The following RBFOX1 variants were observed in gnomAD, a reference collection of about 807,000 sequenced individuals.
RBFOX1 encodes the protein RNA binding protein fox-1 homolog 1.
RBFOX1 carries 8 observed loss-of-function variants against 57.7 expected under a neutral mutation model. That is an observed-to-expected ratio of 0.14 (90% confidence interval 0.08 to 0.25). RBFOX1 has a LOEUF of 0.25. Ranked by LOEUF, RBFOX1 falls within the 10% of genes least tolerant of loss-of-function variation. The pLI is 1.00. For missense variants in RBFOX1, 611 were observed against 548.5 expected, an observed-to-expected ratio of 1.11 and a Z score of -1.14; for synonymous variants, 326 against 222.4, an observed-to-expected ratio of 1.47 and a Z score of -4.15.
At chr16:7,453,043 C>T (rs1026924509) in intron 4 of RBFOX1, among the ~76,000 whole-genome samples, 5 of 150,516 alleles carry the variant, frequency 3.3e-5, no homozygotes, top group Admixed American at 6.7e-5. Context: ...GCAGGAGAAT[C>T]TCTTGAACCC....
intron 4 of RBFOX1, among the ~76,000 whole-genome samples, chr16:7,069,782 G>T (rs2056943064): frequency 6.6e-6 from 1 of 152,078 alleles, no homozygotes; most frequent in African/African-American, 2.4e-5. Context: ...CCCATAGTGG[G>T]CACTTGCTCG....
At chr16:6,138,798 C>T (rs1231652887) in intron 1 of RBFOX1, among the ~76,000 whole-genome samples, 1 of 152,146 alleles carries the variant, frequency 6.6e-6, no homozygotes, top group Non-Finnish European at 1.5e-5. Flanking sequence ...ACCCAGGACA[C>T]AGAGGTTGCA....
rs923803600 is a variant in RBFOX1 at position 6,488,299 on chromosome 16, T to C, written c.-63-166304T>C. 5.3e-5 allele frequency among the ~76,000 whole-genome samples: 8 copies of C among 152,214 alleles called. 1 individual carries two copies. Among genetic ancestry groups the C allele is most frequent in the Non-Finnish European group, 7.3e-5 (5 of 68,040 alleles). On this transcript the variant is annotated intron_variant, in intron 2 of 15. Transcript: ENST00000550418. Reference sequence around the variant, plus strand: ...TCTGCAAAGAAGATGTAAGTACTAGTTGGATTTATTGTGGTTAGCTGAATG... The same window carrying C: ...TCTGCAAAGAAGATGTAAGTACTAGCTGGATTTATTGTGGTTAGCTGAATG...
chr16:6,518,789 G>GTCTCTC, intron 2 of RBFOX1, among the ~76,000 whole-genome samples: 1 of 81,376 alleles, frequency 1.2e-5, no homozygotes, highest in South Asian at 3.7e-4. Flanking sequence ...CTGTCTGTCT[G>GTCTCTC]TGTGTCTGTC....
chr16:6,828,331 G>A (rs916244390), intron 3 of RBFOX1, among the ~76,000 whole-genome samples: 1 of 151,880 alleles, frequency 6.6e-6, no homozygotes, highest in Non-Finnish European at 1.5e-5. Flanking sequence ...CAGGAGCATC[G>A]TGGCCAACAT....
intron 2 of RBFOX1, among the ~76,000 whole-genome samples, chr16:6,476,633 G>A (rs1249222732): frequency 1.3e-5 from 2 of 152,188 alleles, no homozygotes; most frequent in South Asian, 4.1e-4. Context: ...TCTTGCCTCG[G>A]TGTTGATGGC....
chr16:6,765,441 C>G (rs1051997445), intron 3 of RBFOX1, among the ~76,000 whole-genome samples: 4 of 152,052 alleles, frequency 2.6e-5, no homozygotes, highest in East Asian at 1.9e-4. Context: ...GACTGAATAC[C>G]TGGGCAATGA....
At chr16:6,431,884 G>GCTTGCTTC (rs2094098132) in intron 2 of RBFOX1, among the ~76,000 whole-genome samples, 2 of 108,476 alleles carry the variant, frequency 1.8e-5, no homozygotes, top group African/African-American at 7.1e-5. Context: ...CCAGAAATAT[G>GCTTGCTTC]CTTGCTTGCT....
chr16:6,950,968 T>A (rs1390311933), intron 3 of RBFOX1, among the ~76,000 whole-genome samples: 1 of 152,020 alleles, frequency 6.6e-6, no homozygotes, highest in Non-Finnish European at 1.5e-5. Context: ...TGCAGTGGCA[T>A]GATCACAGCT....
chr16:7,698,535 A>G (rs2079561442), intron 14 of RBFOX1, among the ~76,000 whole-genome samples: 1 of 152,100 alleles, frequency 6.6e-6, no homozygotes, highest in African/African-American at 2.4e-5. Flanking sequence ...CTCAACCTAC[A>G]CATGCTGCCA....
chr16:7,016,040 A>C (rs1597081988), intron 3 of RBFOX1, among the ~76,000 whole-genome samples: 1 of 152,144 alleles, frequency 6.6e-6, no homozygotes, highest in South Asian at 2.1e-4. Context: ...TACACTTCCT[A>C]GTCACTCATT....
At chr16:5,563,873 A>G (rs1221054067) in intron 2 of RBFOX1, among the ~76,000 whole-genome samples, 1 of 152,170 alleles carries the variant, frequency 6.6e-6, no homozygotes, top group Non-Finnish European at 1.5e-5. Context: ...GGTAACCACT[A>G]ACCTGCTGTC....
At chr16:7,154,696 TGTGTGTGTGTGTGTGTG>T (rs1567484970) in intron 4 of RBFOX1, among the ~76,000 whole-genome samples, 1 of 68,996 alleles carries the variant, frequency 1.4e-5, no homozygotes, top group Non-Finnish European at 3.7e-5. Flanking sequence ...TGTGTGTGTG[TGTGTGTGTGTGTGTGTG>T]TGTGTGTGTG....
intron 2 of RBFOX1, among the ~76,000 whole-genome samples, chr16:5,501,513 G>A (rs2043197565): frequency 6.6e-6 from 1 of 152,060 alleles, no homozygotes; most frequent in Admixed American, 6.6e-5. Context: ...GTCTCTGGAG[G>A]CAGATGGGCT....
chr16:7,592,961 A>C (rs897536322), intron 7 of RBFOX1, among the ~76,000 whole-genome samples: 1 of 149,980 alleles, frequency 6.7e-6, no homozygotes, highest in South Asian at 2.1e-4. Context: ...GACAATAGGT[A>C]CAGGCTGTCA....
At chr16:6,146,756 A>G (rs981682725) in intron 1 of RBFOX1, among the ~76,000 whole-genome samples, 1 of 152,034 alleles carries the variant, frequency 6.6e-6, no homozygotes, top group African/African-American at 2.4e-5. Flanking sequence ...CCTTTACTGA[A>G]CCTTCCGGAG....
chr16:6,480,739 T>C (rs536080537), intron 2 of RBFOX1, among the ~76,000 whole-genome samples: 1 of 152,346 alleles, frequency 6.6e-6, no homozygotes, highest in South Asian at 2.1e-4. Context: ...AAACTTGTAT[T>C]TTTATCTCAG....
At chr16:7,324,086 C>A (rs2096580168) in intron 4 of RBFOX1, among the ~76,000 whole-genome samples, 1 of 152,090 alleles carries the variant, frequency 6.6e-6, no homozygotes, top group East Asian at 1.9e-4. Context: ...TGCTAATAGT[C>A]ATCATGAATT....
chr16:5,969,920 T>G (rs2059930329), intron 4 of RBFOX1, among the ~76,000 whole-genome samples: 1 of 152,234 alleles, frequency 6.6e-6, no homozygotes, highest in East Asian at 1.9e-4. Flanking sequence ...GTTTGGAGTC[T>G]TGGAGTTTGA....
Sources: gnomAD v4.1 joint callset for allele counts (sites outside exome capture counted in the v4.1 genomes callset) on GRCh38, gnomAD v4.1.1 for gene constraint, MANE v1.5 for transcripts, NCBI Gene and HGNC (gene_info 2026-07-23, HGNC 2026-07-21) for gene names.